The following SPATA17 variants were observed in gnomAD, a reference collection of about 807,000 sequenced individuals.
SPATA17 encodes spermatogenesis associated 17.
A neutral mutation model predicts 62.2 loss-of-function variants in SPATA17; 53 were observed. That is an observed-to-expected ratio of 0.85 (90% CI 0.68 to 1.07). SPATA17 has a LOEUF of 1.07. SPATA17 is among the 50% of genes least tolerant of loss of function. The pLI, the probability that SPATA17 is intolerant of heterozygous loss-of-function variation, is 0.00. For synonymous variants in SPATA17, 146 were observed against 146.8 expected, an observed-to-expected ratio of 0.99 and a Z score of 0.04; for missense variants, 466 against 425.5, an observed-to-expected ratio of 1.10 and a Z score of -0.84.
At chr1:217,644,341 T>C (rs1670133704) in intron 1 of SPATA17, among the ~76,000 whole-genome samples, 1 of 152,190 alleles carries the variant, frequency 6.6e-6, no homozygotes, top group Non-Finnish European at 1.5e-5. Flanking sequence ...AAGTATACTA[T>C]AGTTTCTGCC....
chr1:217,857,853 T>C (rs1007917108), intron 9 of SPATA17, among the ~76,000 whole-genome samples: 1 of 152,148 alleles, frequency 6.6e-6, no homozygotes, highest in Non-Finnish European at 1.5e-5. Context: ...AGAAGGTGCA[T>C]ACTTGAAGCG....
chr1:217,815,455 T>C (rs1674690622), intron 9 of SPATA17, among the ~76,000 whole-genome samples: 3 of 152,160 alleles, frequency 2.0e-5, no homozygotes, highest in Admixed American at 2.0e-4. Context: ...GTACTGCCAC[T>C]GAGATGAACA....
At chr1:217,671,633 G>T (rs115906257) in intron 4 of SPATA17, among the ~76,000 whole-genome samples, 6,775 of 151,708 alleles carry the variant, frequency 0.045, 228 homozygotes, top group Middle Eastern at 0.1. Flanking sequence ...TGCCTCTCCT[G>T]TCCTCTCCTA....
chr1:217,870,383 C>G lies in SPATA17; in HGVS notation c.*3364C>G, dbSNP rs1471062309. On this transcript the variant is annotated 3_prime_UTR_variant, in exon 11 of 11. Coordinates refer to ENST00000366933, the MANE Select transcript of SPATA17 (RefSeq NM_138796.4). ...CTTAACCACCATCTGCCTCTCCCCC[C>G]AGACACACATAAGTTTATGATAACT... is the stretch of plus-strand genomic sequence containing the variant. 1.3e-5 allele frequency: 2 copies of G among 152,138 alleles called. No homozygotes were observed. Among genetic ancestry groups the G allele is most frequent in the East Asian group, 1.9e-4 (1 of 5,188 alleles). The allele number at this position is 152,138 out of a possible 1,614,324, so 9.4% of individuals were successfully genotyped here.
chr1:217,836,191 C>G (rs887958711), intron 9 of SPATA17, among the ~76,000 whole-genome samples: 1 of 152,098 alleles, frequency 6.6e-6, no homozygotes, highest in Non-Finnish European at 1.5e-5. Context: ...AAGAATCTGT[C>G]GGGCAGTTAT....
chr1:217,717,404 G>T (rs1231884006), intron 5 of SPATA17, among the ~76,000 whole-genome samples: 3 of 152,124 alleles, frequency 2.0e-5, no homozygotes, highest in African/African-American at 7.2e-5. Flanking sequence ...GAGGTCAGGA[G>T]TTCAAAACCA....
At chr1:217,813,532 T>C (rs1461255678) in intron 9 of SPATA17, among the ~76,000 whole-genome samples, 1 of 152,132 alleles carries the variant, frequency 6.6e-6, no homozygotes, top group Non-Finnish European at 1.5e-5. Context: ...CCCCTTACAG[T>C]TGTTTGTTTT....
At chr1:217,805,385 A>G (rs1674408315) in intron 9 of SPATA17, among the ~76,000 whole-genome samples, 2 of 152,242 alleles carry the variant, frequency 1.3e-5, no homozygotes, top group Non-Finnish European at 1.5e-5. Context: ...GGCAGGAGGT[A>G]GGGGTGAGAA....
At chr1:217,726,394 A>C (rs2102937987) in intron 5 of SPATA17, among the ~76,000 whole-genome samples, 1 of 152,310 alleles carries the variant, frequency 6.6e-6, no homozygotes, top group East Asian at 1.9e-4. Flanking sequence ...CCCAATCAGA[A>C]GTTCTGATCA....
intron 5 of SPATA17, among the ~76,000 whole-genome samples, chr1:217,715,203 C>T (rs1262228182): frequency 6.6e-6 from 1 of 152,076 alleles, no homozygotes; most frequent in Non-Finnish European, 1.5e-5. Context: ...AGTTAAAAGG[C>T]TATCATCAAA....
At chr1:217,752,553 T>G (rs938433646) in intron 6 of SPATA17, among the ~76,000 whole-genome samples, 16 of 152,350 alleles carry the variant, frequency 1.1e-4, no homozygotes, top group Admixed American at 1.0e-3. Flanking sequence ...AGGTGGATTA[T>G]TTACGCTTTT....
intron 2 of SPATA17, among the ~76,000 whole-genome samples, chr1:217,649,733 CT>C (rs34501876): frequency 0.34 from 48,620 of 141,506 alleles, 8,339 homozygotes; most frequent in Non-Finnish European, 0.4. Flanking sequence ...CTCTTTCTCA[CT>C]TTTTTTTTTT....
chr1:217,650,690 C>A (rs4514298), intron 2 of SPATA17, among the ~76,000 whole-genome samples: 1 of 152,192 alleles, frequency 6.6e-6, no homozygotes, highest in Admixed American at 6.5e-5. Context: ...TCCCAAAGTG[C>A]TGGGATTACG....
chr1:217,648,240 T>C (rs560021958), intron 1 of SPATA17, among the ~76,000 whole-genome samples: 2 of 152,062 alleles, frequency 1.3e-5, no homozygotes, highest in Non-Finnish European at 2.9e-5. Context: ...TTTTACAGTT[T>C]ATTTTACACT....
At chr1:217,845,114 GT>G (rs1203583795) in intron 9 of SPATA17, among the ~76,000 whole-genome samples, 1 of 151,836 alleles carries the variant, frequency 6.6e-6, no homozygotes, top group Non-Finnish European at 1.5e-5. Flanking sequence ...CTTTGACTCT[GT>G]TTTCATAAGT....
At chr1:217,781,295 A>G (rs1244781599) in intron 7 of SPATA17, 1 of 152,228 alleles carries the variant, frequency 6.6e-6, no homozygotes, top group Non-Finnish European at 1.5e-5. Flanking sequence ...TATTTAAAGA[A>G]GATATTTTTA....
chr1:217,707,306 C>T (rs1671759182), intron 5 of SPATA17, among the ~76,000 whole-genome samples: 1 of 152,038 alleles, frequency 6.6e-6, no homozygotes, highest in Admixed American at 6.6e-5. Context: ...AAGTTGTTAT[C>T]AGGTCAAAGA....
intron 5 of SPATA17, among the ~76,000 whole-genome samples, chr1:217,696,355 G>A (rs1020346846): frequency 4.1e-4 from 62 of 152,206 alleles, no homozygotes; most frequent in African/African-American, 1.4e-3. Flanking sequence ...TTCGGCTCGC[G>A]CACAGTGCGC....
intron 1 of SPATA17, among the ~76,000 whole-genome samples, chr1:217,637,492 C>G (rs1375308231): frequency 6.6e-6 from 1 of 152,138 alleles, no homozygotes; most frequent in African/African-American, 2.4e-5. Context: ...TGGTGATTTG[C>G]ACGTACTTCA....
Sources: gnomAD v4.1 joint callset for allele counts (sites outside exome capture counted in the v4.1 genomes callset) on GRCh38, gnomAD v4.1.1 for gene constraint, MANE v1.5 for transcripts, NCBI Gene and HGNC (gene_info 2026-07-23, HGNC 2026-07-21) for gene names.